Variants in DLG1 observed in about 807,000 individuals in gnomAD.
DLG1 encodes disks large homolog 1.
A neutral mutation model predicts 123.4 loss-of-function variants in DLG1; 42 were observed. That is an observed-to-expected ratio of 0.34 (90% CI 0.27 to 0.44). DLG1 has a LOEUF of 0.44. Ranked by LOEUF, DLG1 falls within the 20% of genes least tolerant of loss-of-function variation. DLG1 has a pLI of 1.00. For missense variants in DLG1, 942 were observed against 1,082.6 expected, an observed-to-expected ratio of 0.87 and a Z score of 1.82; for synonymous variants, 317 against 356.2, an observed-to-expected ratio of 0.89 and a Z score of 1.24.
chr3:197,171,576 A>C (rs748327477), intron 5 of DLG1, among the ~76,000 whole-genome samples: 1 of 152,202 alleles, frequency 6.6e-6, no homozygotes, highest in African/African-American at 2.4e-5. Flanking sequence ...CATGAGTACA[A>C]GTGTGTTAGT....
chr3:197,199,046 C>G (rs1299618563), intron 4 of DLG1, among the ~76,000 whole-genome samples: 1 of 152,050 alleles, frequency 6.6e-6, no homozygotes, highest in African/African-American at 2.4e-5. Context: ...AAATTTTACA[C>G]TATATGAGTA....
chr3:197,048,218 C>T (rs1724761289), intron 24 of DLG1, among the ~76,000 whole-genome samples: 1 of 152,192 alleles, frequency 6.6e-6, no homozygotes, highest in Non-Finnish European at 1.5e-5. Flanking sequence ...CGCCTGCCAT[C>T]CTAACACTTT....
At chr3:197,144,297 A>G (rs908169790) in intron 6 of DLG1, among the ~76,000 whole-genome samples, 1 of 152,176 alleles carries the variant, frequency 6.6e-6, no homozygotes, top group Non-Finnish European at 1.5e-5. Context: ...CCCAGCAGCT[A>G]TAACATGAGT....
intron 5 of DLG1, among the ~76,000 whole-genome samples, chr3:197,158,461 TA>T (rs10573278): frequency 0.028 from 3,381 of 118,676 alleles, 88 homozygotes; most frequent in African/African-American, 0.068. Flanking sequence ...CGTCTCTACT[TA>T]AAAAAAAAAA....
At chr3:197,156,553 C>A (rs1796495803) in intron 5 of DLG1, among the ~76,000 whole-genome samples, 1 of 152,038 alleles carries the variant, frequency 6.6e-6, no homozygotes, top group Non-Finnish European at 1.5e-5. Flanking sequence ...ACAAGCTGTA[C>A]ACAAGAGACT....
chr3:197,088,677 G>C (rs1755859792), intron 15 of DLG1, among the ~76,000 whole-genome samples: 1 of 152,180 alleles, frequency 6.6e-6, no homozygotes, highest in African/African-American at 2.4e-5. Context: ...GGAGCATAAA[G>C]ATAGAAAAAA....
rs1721246034 is a variant in DLG1 at position 197,194,297 on chromosome 3, A to G, written c.483+128T>C. 5 of 480,848 alleles carry G rather than the reference A, an allele frequency of 1.0e-5. No homozygotes were observed. The East Asian group carries it at 1.8e-4, about 17-fold the overall frequency. 29.8% of individuals were successfully genotyped at this position (480,848 alleles called of 1,614,324 possible). On this transcript the variant is annotated intron_variant, in intron 5 of 24. Coordinates refer to ENST00000667157, the MANE Select transcript of DLG1 (RefSeq NM_001366207.1). ...AAGCACCTTGAAATTCTCCATAACT[A>G]TGAAACTAAAATGGGGGGGTGGGGT...
intron 13 of DLG1, among the ~76,000 whole-genome samples, chr3:197,106,830 C>T (rs1349621561): frequency 6.6e-6 from 1 of 152,148 alleles, no homozygotes; most frequent in African/African-American, 2.4e-5. Flanking sequence ...GCCTTAGAGT[C>T]ACTTTTTTTC....
chr3:197,140,989 A>G (rs1207334360), intron 7 of DLG1, among the ~76,000 whole-genome samples: 1 of 152,232 alleles, frequency 6.6e-6, no homozygotes, highest in African/African-American at 2.4e-5. Flanking sequence ...TGTTCTTCAC[A>G]GAAAGGGTTC....
chr3:197,249,395 C>T (rs1753287791), intron 4 of DLG1, among the ~76,000 whole-genome samples: 1 of 151,806 alleles, frequency 6.6e-6, no homozygotes. Context: ...GAGATTGAAG[C>T]CATAATAAAG....
intron 22 of DLG1, among the ~76,000 whole-genome samples, chr3:197,060,725 C>G (rs1051799075): frequency 1.3e-5 from 2 of 152,188 alleles, no homozygotes; most frequent in African/African-American, 4.8e-5. Flanking sequence ...GTTTTTAATA[C>G]AGATGAGCAT....
At chr3:197,298,690 A>C, upstream of DLG1, 1 of 396,644 alleles carries the variant, frequency 2.5e-6, no homozygotes, top group Non-Finnish European at 4.4e-6. Flanking sequence ...GGGGCCTGGG[A>C]GAGGGAGAGG....
At chr3:197,054,825 T>A (rs1460681088) in intron 23 of DLG1, among the ~76,000 whole-genome samples, 1 of 151,988 alleles carries the variant, frequency 6.6e-6, no homozygotes, top group Non-Finnish European at 1.5e-5. Flanking sequence ...TTGTTTATTT[T>A]TTTTTTTGAG....
chr3:197,223,823 T>C (rs559404489), intron 4 of DLG1, among the ~76,000 whole-genome samples: 1 of 152,344 alleles, frequency 6.6e-6, no homozygotes, highest in African/African-American at 2.4e-5. Context: ...AAATTTTTAA[T>C]TAATTTACTT....
intron 5 of DLG1, among the ~76,000 whole-genome samples, chr3:197,190,954 G>A (rs1439432118): frequency 6.6e-6 from 1 of 152,194 alleles, no homozygotes; most frequent in East Asian, 1.9e-4. Context: ...AGCTTGCAGT[G>A]AGCCGAGATC....
intron 14 of DLG1, among the ~76,000 whole-genome samples, chr3:197,096,890 G>C (rs1446357928): frequency 6.6e-6 from 1 of 152,144 alleles, no homozygotes; most frequent in Non-Finnish European, 1.5e-5. Flanking sequence ...ATTTGACTGT[G>C]ATCTTTTCCT....
intron 5 of DLG1, among the ~76,000 whole-genome samples, chr3:197,168,915 A>G (rs1426628418): frequency 6.6e-6 from 1 of 152,248 alleles, no homozygotes; most frequent in Non-Finnish European, 1.5e-5. Flanking sequence ...CGTCACAAGG[A>G]AATTGTAAAT....
chr3:197,165,582 CCAAT>C (rs1302166533), intron 5 of DLG1, among the ~76,000 whole-genome samples: 2 of 152,126 alleles, frequency 1.3e-5, no homozygotes, highest in Non-Finnish European at 2.9e-5. Context: ...GCTCGGGACT[CCAAT>C]CACCATTTAT....
At chr3:197,168,958 A>T (rs1003954089) in intron 5 of DLG1, among the ~76,000 whole-genome samples, 4 of 152,244 alleles carry the variant, frequency 2.6e-5, no homozygotes, top group Non-Finnish European at 5.9e-5. Context: ...TACATATTTT[A>T]AAGTACCTTT....
Sources: gnomAD v4.1 joint callset for allele counts (sites outside exome capture counted in the v4.1 genomes callset) on GRCh38, gnomAD v4.1.1 for gene constraint, MANE v1.5 for transcripts, NCBI Gene and HGNC (gene_info 2026-07-23, HGNC 2026-07-21) for gene names.